Variants in EPB41L2 observed in about 807,000 individuals in gnomAD.
EPB41L2 encodes erythrocyte membrane protein band 4.1 like 2, also known as band 4.1-like protein 2.
A neutral mutation model predicts 113.0 loss-of-function variants in EPB41L2; 43 were observed. The observed-to-expected ratio is 0.38, with a 90% CI of 0.30 to 0.49. EPB41L2 has a LOEUF of 0.49. Among genes scored for constraint, EPB41L2 ranks in the 20% least tolerant of loss-of-function variants. The pLI is 0.95. For synonymous variants in EPB41L2, 442 were observed against 436.7 expected (o/e 1.01, Z -0.15); for missense variants, 1,147 against 1,223.4 (o/e 0.94, Z 0.93).
At chr6:130,892,870 T>C (rs1188271840) in intron 10 of EPB41L2, among the ~76,000 whole-genome samples, 1 of 152,136 alleles carries the variant, frequency 6.6e-6, no homozygotes, top group Non-Finnish European at 1.5e-5. Context: ...TACTATCATA[T>C]ATGGATGATG....
intron 19 of EPB41L2, among the ~76,000 whole-genome samples, chr6:130,857,439 A>G (rs1780598004): frequency 6.6e-6 from 1 of 152,014 alleles, no homozygotes; most frequent in African/African-American, 2.4e-5. Flanking sequence ...ATTAAACTTA[A>G]TCATTTATTA....
intron 19 of EPB41L2, among the ~76,000 whole-genome samples, chr6:130,848,965 G>A (rs1777931274): frequency 6.6e-6 from 1 of 152,182 alleles, no homozygotes; most frequent in Non-Finnish European, 1.5e-5. Flanking sequence ...TCTACAGGCA[G>A]TTTAACATTA....
intron 14 of EPB41L2, chr6:130,876,544 A>C: frequency 2.6e-6 from 1 of 388,346 alleles, no homozygotes; most frequent in Non-Finnish European, 4.6e-6. Context: ...TTAACTTTTT[A>C]AATGCTCAAA....
At chr6:130,922,710 C>A (rs545234738) in intron 4 of EPB41L2, among the ~76,000 whole-genome samples, 1 of 152,122 alleles carries the variant, frequency 6.6e-6, no homozygotes, top group Non-Finnish European at 1.5e-5. Flanking sequence ...CCAGAATGAT[C>A]AGCTGTTAAC....
At chr6:130,873,984 C>A (rs1297986622) in intron 14 of EPB41L2, among the ~76,000 whole-genome samples, 2 of 152,068 alleles carry the variant, frequency 1.3e-5, no homozygotes, top group African/African-American at 4.8e-5. Context: ...GGGTGGGATG[C>A]CCTTCCCAGT....
Position 130,974,717 on chromosome 6 carries a change from CTTTTTTTTTTTTT to C in EPB41L2, c.-14-18231_-14-18219del, listed in dbSNP as rs71030723. On this transcript the variant is annotated intron_variant, in intron 1 of 19. Coordinates refer to ENST00000337057, the MANE Select transcript of EPB41L2 (RefSeq NM_001431.4). ...GGCAGCCTCTTTTTTCTTTTCTTTT[CTTTTTTTTTTTTT>C]TTTTTTTTTTTTTGAGATGGAGTCT... Among the ~76,000 whole-genome samples the C allele has an allele frequency of 6.2e-4, 40 of 64,658 alleles. 2 individuals are homozygous for C. The highest frequency in any genetic ancestry group is 4.1e-3 in the Admixed American group (17 of 4,156). 42.4% of individuals were successfully genotyped at this position (64,658 alleles called of 152,430 possible). A position where few individuals can be genotyped will look rare whatever the true frequency, so the allele number is the denominator to read the frequency against.
rs144674496 is a variant in EPB41L2 at position 130,914,402 on chromosome 6, G to A, written c.811-5539C>T. 7.9e-5 allele frequency among the ~76,000 whole-genome samples: 12 copies of A among 152,040 alleles called. No individual in the cohort carries two copies. The South Asian group carries it at 8.3e-4, about 11-fold the overall frequency. ...CAAAAAGTTAATAAATCAGACTTTCGGTTCACAAAATAGGGTCACTGTATT... is the reference window on the plus strand; with the variant it reads ...CAAAAAGTTAATAAATCAGACTTTCAGTTCACAAAATAGGGTCACTGTATT... On this transcript the variant is annotated intron_variant, in intron 4 of 19. Coordinates refer to ENST00000337057, the MANE Select transcript of EPB41L2 (RefSeq NM_001431.4).
chr6:130,872,614 G>A, intron 14 of EPB41L2: 1 of 1,021,102 alleles, frequency 9.8e-7, no homozygotes, highest in Non-Finnish European at 1.3e-6. Context: ...TTGGAAGAAA[G>A]GAAAGGTTAC....
At chr6:130,848,593 G>A (rs995897084) in intron 19 of EPB41L2, among the ~76,000 whole-genome samples, 1 of 152,140 alleles carries the variant, frequency 6.6e-6, no homozygotes, top group African/African-American at 2.4e-5. Flanking sequence ...ATAGCCACAA[G>A]TGGGTATTGG....
At chr6:130,962,089 G>A (rs752361630) in intron 1 of EPB41L2, among the ~76,000 whole-genome samples, 16 of 152,104 alleles carry the variant, frequency 1.1e-4, no homozygotes, top group Non-Finnish European at 1.9e-4. Flanking sequence ...TCCCCGAAGG[G>A]CCTATAGCTA....
intron 1 of EPB41L2, among the ~76,000 whole-genome samples, chr6:130,965,576 T>G (rs1377596350): frequency 6.6e-6 from 1 of 151,596 alleles, no homozygotes; most frequent in Non-Finnish European, 1.5e-5. Flanking sequence ...TATTTTTAAA[T>G]TTTTGGCTAG....
chr6:130,969,835 T>TGTAC (rs1776315321), intron 1 of EPB41L2, among the ~76,000 whole-genome samples: 1 of 152,114 alleles, frequency 6.6e-6, no homozygotes, highest in African/African-American at 2.4e-5. Context: ...CTTCCAGAAA[T>TGTAC]AATATCATAC....
At chr6:130,898,520 G>A (rs778209852) in intron 8 of EPB41L2, among the ~76,000 whole-genome samples, 3 of 151,946 alleles carry the variant, frequency 2.0e-5, no homozygotes, top group Non-Finnish European at 4.4e-5. Context: ...CATTCTCCTC[G>A]ACTCTCCCCA....
At chr6:130,879,849 G>C (rs1332146070) in intron 13 of EPB41L2, among the ~76,000 whole-genome samples, 2 of 152,156 alleles carry the variant, frequency 1.3e-5, no homozygotes, top group African/African-American at 4.8e-5. Flanking sequence ...AACCCTTTAG[G>C]AGAGAATAGG....
At chr6:131,062,939 C>T (rs1056880710) in intron 1 of EPB41L2, among the ~76,000 whole-genome samples, 2 of 152,090 alleles carry the variant, frequency 1.3e-5, no homozygotes, top group African/African-American at 4.8e-5. Flanking sequence ...GGGCAGAGAC[C>T]GGGAAGGAAA....
chr6:131,033,497 T>G (rs1046807810), intron 1 of EPB41L2, among the ~76,000 whole-genome samples: 4 of 152,066 alleles, frequency 2.6e-5, no homozygotes, highest in African/African-American at 9.6e-5. Context: ...GCACCAATGT[T>G]CATAACAGCA....
chr6:130,856,517 A>T (rs1289778927), intron 19 of EPB41L2, among the ~76,000 whole-genome samples: 1 of 152,260 alleles, frequency 6.6e-6, no homozygotes, highest in African/African-American at 2.4e-5. Context: ...GAGAATTATA[A>T]TCACAGTTAC....
At position 130,976,219 on chromosome 6, in the gene EPB41L2, C is replaced by T. The variant is rs550573289; in HGVS notation, c.-14-19720G>A. 5.9e-5 allele frequency among the ~76,000 whole-genome samples: 9 copies of T among 152,130 alleles called. No individual in the cohort carries two copies. In the East Asian group the frequency reaches 1.2e-3, roughly 20 times the overall value. On this transcript the variant is annotated intron_variant, in intron 1 of 19. Transcript: ENST00000337057. Reference sequence around the variant, plus strand: ...TTTTTTAACGTTTTTAAAAATGGTCCACATTTCATAGGATCATTGATACTG... The same window carrying T: ...TTTTTTAACGTTTTTAAAAATGGTCTACATTTCATAGGATCATTGATACTG...
chr6:131,001,648 T>C (rs994921615), intron 1 of EPB41L2, among the ~76,000 whole-genome samples: 5 of 152,180 alleles, frequency 3.3e-5, no homozygotes, highest in South Asian at 2.1e-4. Context: ...TAACCAACTT[T>C]GCAAAATGAC....
Sources: allele counts gnomAD v4.1 joint callset (sites outside exome capture counted in the v4.1 genomes callset), GRCh38; gene constraint gnomAD v4.1.1; transcripts MANE v1.5; gene names NCBI Gene and HGNC (gene_info 2026-07-23, HGNC 2026-07-21).